CEP112: variants seen among roughly 807,000 people sequenced by gnomAD.
CEP112 encodes the protein centrosomal protein of 112 kDa.
A neutral mutation model predicts 153.0 loss-of-function variants in CEP112; 127 were observed. The ratio of observed to expected loss-of-function variants is 0.83; its 90% CI spans 0.72 to 0.96. The LOEUF is 0.96. CEP112 is among the 40% of genes least tolerant of loss of function. CEP112 has a pLI of 0.00. For missense variants in CEP112, 1,089 were observed against 1,101.2 expected, an observed-to-expected ratio of 0.99 and a Z score of 0.16; for synonymous variants, 358 against 374.4, an observed-to-expected ratio of 0.96 and a Z score of 0.51.
intron 16 of CEP112, among the ~76,000 whole-genome samples, chr17:66,008,265 A>C (rs1337142201): frequency 6.6e-6 from 1 of 152,176 alleles, no homozygotes; most frequent in Non-Finnish European, 1.5e-5. Flanking sequence ...GAGAACATTT[A>C]AAGTTTGTTC....
At position 66,009,189 on chromosome 17, in the gene CEP112, T is replaced by TTG. The variant is rs34971943; in HGVS notation, c.1657-3422_1657-3421dup. On this transcript the variant is annotated intron_variant, in intron 16 of 26. Coordinates refer to ENST00000535342, the MANE Select transcript of CEP112 (RefSeq NM_001199165.4). The stretch of plus-strand genomic sequence containing the variant: ...ATCCTGGCCTACACTTGTTATCCCT[T>TTG]TGTGTGTGTGTGTGTGTGTGTGTGT... Among the ~76,000 whole-genome samples, 1,067 of 146,924 alleles carry TTG rather than the reference T, an allele frequency of 7.3e-3. 9 individuals carry two copies. The highest frequency in any genetic ancestry group is 0.023 in the African/African-American group (921 of 39,256).
chr17:65,726,268 G>A (rs2144924195), intron 23 of CEP112, among the ~76,000 whole-genome samples: 1 of 152,158 alleles, frequency 6.6e-6, no homozygotes, highest in South Asian at 2.1e-4. Context: ...GAACCCGGGA[G>A]GCAGAGGTTG....
intron 8 of CEP112, among the ~76,000 whole-genome samples, chr17:66,076,525 C>T (rs2067504586): frequency 6.6e-6 from 1 of 152,140 alleles, no homozygotes; most frequent in African/African-American, 2.4e-5. Context: ...GAACCTCACC[C>T]CTATCCCCCA....
At chr17:65,660,330 CTT>C (rs1366630914) in intron 24 of CEP112, among the ~76,000 whole-genome samples, 8 of 98,576 alleles carry the variant, frequency 8.1e-5, no homozygotes, top group Admixed American at 2.1e-4. Flanking sequence ...CTTTCTTTCT[CTT>C]TCTTTCTTTT....
At chr17:65,636,894 G>A (rs1323360610) in intron 26 of CEP112, 1 of 492,820 alleles carries the variant, frequency 2.0e-6, no homozygotes. Flanking sequence ...TTACAGGAGT[G>A]AGCCACTGTG....
chr17:65,769,363 C>T (rs2053199536), intron 21 of CEP112, among the ~76,000 whole-genome samples: 1 of 151,714 alleles, frequency 6.6e-6, no homozygotes, highest in African/African-American at 2.4e-5. Flanking sequence ...TATATAGATG[C>T]AATGCAAACC....
intron 25 of CEP112, among the ~76,000 whole-genome samples, chr17:65,637,833 A>G (rs2044859529): frequency 1.3e-5 from 2 of 152,152 alleles, no homozygotes; most frequent in African/African-American, 2.4e-5. Flanking sequence ...TGGTTTCACT[A>G]GCTGTTGAAT....
At chr17:65,848,979 G>A (rs2057825159) in intron 21 of CEP112, among the ~76,000 whole-genome samples, 1 of 152,128 alleles carries the variant, frequency 6.6e-6, no homozygotes, top group Non-Finnish European at 1.5e-5. Flanking sequence ...CCAACACCAA[G>A]AGGATGATGT....
At chr17:66,010,847 G>A (rs2064492723) in intron 16 of CEP112, among the ~76,000 whole-genome samples, 1 of 152,108 alleles carries the variant, frequency 6.6e-6, no homozygotes, top group African/African-American at 2.4e-5. Flanking sequence ...ATGTGCTGCT[G>A]AATTTGGTTT....
At chr17:65,993,111 G>A (rs2063657233) in intron 17 of CEP112, among the ~76,000 whole-genome samples, 1 of 151,908 alleles carries the variant, frequency 6.6e-6, no homozygotes, top group South Asian at 2.1e-4. Flanking sequence ...CCCCTAACAG[G>A]GCCCAGTGTG....
intron 20 of CEP112, among the ~76,000 whole-genome samples, chr17:65,863,378 T>C (rs2058370609): frequency 1.3e-5 from 2 of 152,144 alleles, no homozygotes; most frequent in Middle Eastern, 3.2e-3. Flanking sequence ...TTCTAACAAA[T>C]TAAATACAAT....
chr17:65,831,577 A>C (rs935360791), intron 21 of CEP112, among the ~76,000 whole-genome samples: 1 of 151,948 alleles, frequency 6.6e-6, no homozygotes, highest in Non-Finnish European at 1.5e-5. Context: ...AAAAAGAACA[A>C]ATTTCAGAAA....
At chr17:66,156,528 T>C (rs2071447576) in intron 4 of CEP112, among the ~76,000 whole-genome samples, 1 of 152,086 alleles carries the variant, frequency 6.6e-6, no homozygotes. Flanking sequence ...GGACAGAGAA[T>C]GAGTTTGACG....
chr17:65,852,576 A>G (rs1227157940), intron 20 of CEP112, among the ~76,000 whole-genome samples: 2 of 147,106 alleles, frequency 1.4e-5, no homozygotes, highest in East Asian at 4.0e-4. Context: ...ACCACCTGGA[A>G]CATTTTACCA....
intron 23 of CEP112, among the ~76,000 whole-genome samples, chr17:65,725,325 A>C (rs924561299): frequency 6.6e-6 from 1 of 152,088 alleles, no homozygotes; most frequent in Non-Finnish European, 1.5e-5. Context: ...ATATGTGTAT[A>C]TATATATTTT....
At chr17:65,959,983 G>A (rs887902674) in intron 18 of CEP112, among the ~76,000 whole-genome samples, 1 of 152,130 alleles carries the variant, frequency 6.6e-6, no homozygotes, top group Non-Finnish European at 1.5e-5. Flanking sequence ...GAGGTTTCTG[G>A]CCAAAAAAGT....
intron 24 of CEP112, among the ~76,000 whole-genome samples, chr17:65,684,341 T>C (rs2047679995): frequency 6.6e-6 from 1 of 152,200 alleles, no homozygotes; most frequent in Non-Finnish European, 1.5e-5. Context: ...AAAATATCCT[T>C]CTGGGAAACT....
chr17:65,732,108 T>C (rs1344322251), intron 23 of CEP112, among the ~76,000 whole-genome samples: 1 of 152,200 alleles, frequency 6.6e-6, no homozygotes, highest in Non-Finnish European at 1.5e-5. Context: ...AGCTACAGTC[T>C]TATGAAGTGT....
intron 24 of CEP112, among the ~76,000 whole-genome samples, chr17:65,683,160 C>A (rs867824783): frequency 3.3e-5 from 5 of 152,150 alleles, no homozygotes; most frequent in Admixed American, 2.0e-4. Context: ...ACGAGGGAAC[C>A]TCTTTCCCCA....
Sources: gnomAD v4.1 joint callset for allele counts (sites outside exome capture counted in the v4.1 genomes callset) on GRCh38, gnomAD v4.1.1 for gene constraint, MANE v1.5 for transcripts, NCBI Gene and HGNC (gene_info 2026-07-23, HGNC 2026-07-21) for gene names.